IL1RAPL2: variants seen among roughly 807,000 people sequenced by gnomAD.
IL1RAPL2 encodes interleukin 1 receptor accessory protein like 2.
A neutral mutation model predicts 44.1 loss-of-function variants in IL1RAPL2; 3 were observed. The observed-to-expected ratio is 0.07, with a 90% CI of 0.03 to 0.18. The LOEUF is 0.18. Among genes scored for constraint, IL1RAPL2 ranks in the 10% least tolerant of loss-of-function variants. The pLI is 1.00. For missense variants in IL1RAPL2, 391 were observed against 496.4 expected (o/e 0.79, Z 2.02); for synonymous variants, 181 against 178.8 (o/e 1.01, Z -0.10).
chrX:105,141,739 C>T (rs1230075620), intron 2 of IL1RAPL2, among the ~76,000 whole-genome samples: 1 of 111,856 alleles, frequency 8.9e-6, no homozygotes, highest in Non-Finnish European at 1.9e-5. Flanking sequence ...TCAAATGAAT[C>T]TTAAGAGATT....
At chrX:104,911,229 A>G (rs1924228690) in intron 2 of IL1RAPL2, among the ~76,000 whole-genome samples, 1 of 112,052 alleles carries the variant, frequency 8.9e-6, no homozygotes. Flanking sequence ...CTAACTGTCA[A>G]GAATTAAATG....
chrX:105,550,205 G>A (rs2036840546), intron 6 of IL1RAPL2, among the ~76,000 whole-genome samples: 2 of 111,793 alleles, frequency 1.8e-5, no homozygotes, highest in Non-Finnish European at 3.8e-5. Flanking sequence ...ATTCCCTGGG[G>A]TCTGCCTTCC....
At chrX:105,670,423 C>T (rs1488148348) in intron 6 of IL1RAPL2, among the ~76,000 whole-genome samples, 1 of 104,563 alleles carries the variant, frequency 9.6e-6, no homozygotes, top group Admixed American at 1.0e-4. Context: ...GCCTCAGCCT[C>T]CTGGTAGCTG....
chrX:105,552,018 A>C (rs1357318239), intron 6 of IL1RAPL2, among the ~76,000 whole-genome samples: 1 of 109,348 alleles, frequency 9.1e-6, no homozygotes, highest in Non-Finnish European at 1.9e-5. Flanking sequence ...AGGCAGGAGA[A>C]TGGCATGAAC....
At chrX:105,097,679 T>C (rs988369692) in intron 2 of IL1RAPL2, among the ~76,000 whole-genome samples, 1 of 111,624 alleles carries the variant, frequency 9.0e-6, no homozygotes, top group Non-Finnish European at 1.9e-5. Flanking sequence ...CATATGCTGT[T>C]TTTTGTGTGG....
At chrX:105,074,715 C>A (rs1184336571) in intron 2 of IL1RAPL2, among the ~76,000 whole-genome samples, 2 of 106,827 alleles carry the variant, frequency 1.9e-5, no homozygotes, top group Admixed American at 1.0e-4. Flanking sequence ...CTTTTATTTC[C>A]TTGAGCAGTG....
chrX:105,012,004 G>C (rs1310616603), intron 2 of IL1RAPL2, among the ~76,000 whole-genome samples: 1 of 111,210 alleles, frequency 9.0e-6, no homozygotes, highest in East Asian at 2.9e-4. Context: ...AAAATTAAAA[G>C]ATTCCTATGG....
chrX:105,636,182 T>C (rs1416051466), intron 6 of IL1RAPL2, among the ~76,000 whole-genome samples: 1 of 110,145 alleles, frequency 9.1e-6, no homozygotes, highest in Non-Finnish European at 1.9e-5. Context: ...AGGGGGAAGG[T>C]TCAAATTAGA....
At chrX:105,547,181 G>C (rs896450699) in intron 6 of IL1RAPL2, among the ~76,000 whole-genome samples, 1 of 112,495 alleles carries the variant, frequency 8.9e-6, no homozygotes, top group African/African-American at 3.2e-5. Context: ...TTAAAATAAT[G>C]TGAGCTTTAA....
At chrX:104,819,300 A>G (rs1346036302) in intron 2 of IL1RAPL2, among the ~76,000 whole-genome samples, 1 of 112,241 alleles carries the variant, frequency 8.9e-6, no homozygotes, top group Non-Finnish European at 1.9e-5. Flanking sequence ...TGATGGTGGG[A>G]AAGCAATACA....
chrX:104,604,909 A>T (rs751385404), intron 1 of IL1RAPL2, among the ~76,000 whole-genome samples: 1 of 111,117 alleles, frequency 9.0e-6, no homozygotes, highest in Non-Finnish European at 1.9e-5. Flanking sequence ...GACAGATCAA[A>T]GAGACAGAAA....
intron 2 of IL1RAPL2, among the ~76,000 whole-genome samples, chrX:105,176,322 G>A (rs928297993): frequency 2.7e-5 from 3 of 110,978 alleles, no homozygotes; most frequent in Non-Finnish European, 5.7e-5. Flanking sequence ...AGTTATTAGG[G>A]CACTAACACT....
chrX:105,506,078 C>T (rs781468436), intron 6 of IL1RAPL2, among the ~76,000 whole-genome samples: 50 of 111,554 alleles, frequency 4.5e-4, no homozygotes, highest in African/African-American at 1.4e-3. Context: ...AGCTTGTAGT[C>T]TAGCAGACTT....
chrX:105,161,406 C>T (rs189916994), intron 2 of IL1RAPL2, among the ~76,000 whole-genome samples: 3 of 109,313 alleles, frequency 2.7e-5, no homozygotes, highest in Admixed American at 2.0e-4. Context: ...GTATAAATTG[C>T]TCCAGGTGAT....
rs928114274 is a variant in IL1RAPL2, at chrX:105,614,154, T to G, written c.773-103213T>G. On this transcript the variant is annotated intron_variant, in intron 6 of 10. Coordinates refer to ENST00000372582, the MANE Select transcript of IL1RAPL2 (RefSeq NM_017416.2). ...TGAAATATCTCTGTAATGGAAACTA[T>G]AAAACATTGATGCAAGAAGTTGAAG... is the stretch of plus-strand genomic sequence containing the variant. Among the ~76,000 whole-genome samples the G allele has an allele frequency of 9.8e-5, 11 of 111,713 alleles. No homozygotes were observed. The South Asian group carries it at 4.1e-3, about 42-fold the overall frequency.
chrX:105,480,751 C>G (rs981286865), intron 5 of IL1RAPL2, among the ~76,000 whole-genome samples: 1 of 111,672 alleles, frequency 9.0e-6, no homozygotes, highest in African/African-American at 3.3e-5. Flanking sequence ...TAAAAATGAA[C>G]AAGAAATGAG....
chrX:104,939,984 C>G (rs1204762947), intron 2 of IL1RAPL2, among the ~76,000 whole-genome samples: 2 of 111,230 alleles, frequency 1.8e-5, no homozygotes, highest in African/African-American at 6.5e-5. Flanking sequence ...AAGGATATAT[C>G]TTTTTTGTGA....
chrX:104,753,209 A>G (rs1039728144), intron 2 of IL1RAPL2, among the ~76,000 whole-genome samples: 4 of 109,139 alleles, frequency 3.7e-5, no homozygotes, highest in Admixed American at 3.0e-4. Flanking sequence ...ATGCTCAACA[A>G]GTACTTAATG....
At chrX:104,989,000 A>G in intron 2 of IL1RAPL2, among the ~76,000 whole-genome samples, 1 of 111,822 alleles carries the variant, frequency 8.9e-6, no homozygotes, top group East Asian at 2.8e-4. Flanking sequence ...TGGATACTTC[A>G]TCTCAGCTAT....
Sources: gnomAD v4.1 joint callset for allele counts (sites outside exome capture counted in the v4.1 genomes callset) on GRCh38, gnomAD v4.1.1 for gene constraint, MANE v1.5 for transcripts, NCBI Gene and HGNC (gene_info 2026-07-23, HGNC 2026-07-21) for gene names.